PPP1R9A: variants seen among roughly 807,000 people sequenced by gnomAD.
PPP1R9A encodes neurabin-1.
In PPP1R9A, 59 loss-of-function variants were observed where a neutral mutation model predicts 141.9. That is an observed-to-expected ratio of 0.42 (90% CI 0.34 to 0.52). The LOEUF (loss-of-function observed/expected upper bound fraction) is 0.52, where lower values mean the gene tolerates loss of function less well. PPP1R9A is among the 20% of genes least tolerant of loss of function. The pLI is 0.10. For synonymous variants in PPP1R9A, 500 were observed against 569.7 expected, an observed-to-expected ratio of 0.88 and a Z score of 1.74; for missense variants, 1,444 against 1,611.9, an observed-to-expected ratio of 0.90 and a Z score of 1.78.
At chr7:95,026,303 T>C (rs1274374496) in intron 2 of PPP1R9A, among the ~76,000 whole-genome samples, 2 of 152,344 alleles carry the variant, frequency 1.3e-5, no homozygotes, top group South Asian at 2.1e-4. Context: ...TTTGTTTCTG[T>C]TTGTTAGTTT....
At chr7:95,092,834 C>G (rs1208172898) in intron 2 of PPP1R9A, among the ~76,000 whole-genome samples, 7 of 152,188 alleles carry the variant, frequency 4.6e-5, no homozygotes, top group Non-Finnish European at 1.5e-5. Context: ...CCAAGATATT[C>G]AAGAAATTGA....
At chr7:94,973,126 A>AT (rs1407336826) in intron 2 of PPP1R9A, among the ~76,000 whole-genome samples, 2 of 152,074 alleles carry the variant, frequency 1.3e-5, no homozygotes, top group African/African-American at 2.4e-5. Context: ...GCTTTATGAG[A>AT]TTTTGTCCCT....
At chr7:95,275,818 A>G (rs185613913) in intron 16 of PPP1R9A, among the ~76,000 whole-genome samples, 2 of 152,338 alleles carry the variant, frequency 1.3e-5, no homozygotes, top group Admixed American at 1.3e-4. Flanking sequence ...TTAAAGGAGC[A>G]TAATGGGCGG....
chr7:95,025,858 A>G (rs1165145042), intron 2 of PPP1R9A, among the ~76,000 whole-genome samples: 1 of 151,978 alleles, frequency 6.6e-6, no homozygotes, highest in Non-Finnish European at 1.5e-5. Context: ...CTTCAGTTTG[A>G]TCAATTTGGC....
chr7:94,968,507 A>G (rs765923216), intron 2 of PPP1R9A, among the ~76,000 whole-genome samples: 1 of 151,926 alleles, frequency 6.6e-6, no homozygotes, highest in Non-Finnish European at 1.5e-5. Flanking sequence ...AGAGACTAGG[A>G]TTGCAACCCC....
At chr7:95,224,815 G>T (rs1794923950) in intron 7 of PPP1R9A, among the ~76,000 whole-genome samples, 1 of 152,018 alleles carries the variant, frequency 6.6e-6, no homozygotes, top group Non-Finnish European at 1.5e-5. Flanking sequence ...TTACTCAAAG[G>T]AATAGATCAT....
At chr7:95,137,480 A>T (rs1261147384) in intron 4 of PPP1R9A, among the ~76,000 whole-genome samples, 1 of 147,914 alleles carries the variant, frequency 6.8e-6, no homozygotes, top group Non-Finnish European at 1.5e-5. Context: ...TAAAGCTTTT[A>T]GTTAATGTGA....
At chr7:94,974,718 G>A (rs1377154039) in intron 2 of PPP1R9A, among the ~76,000 whole-genome samples, 1 of 152,150 alleles carries the variant, frequency 6.6e-6, no homozygotes, top group Non-Finnish European at 1.5e-5. Context: ...CTTTGCCACA[G>A]TCAAGCTGGT....
intron 2 of PPP1R9A, among the ~76,000 whole-genome samples, chr7:94,955,793 C>G (rs1410411853): frequency 1.3e-5 from 2 of 152,124 alleles, no homozygotes; most frequent in Non-Finnish European, 2.9e-5. Flanking sequence ...AAGATTGCCT[C>G]ATTTTCTGTG....
intron 2 of PPP1R9A, among the ~76,000 whole-genome samples, chr7:94,915,234 G>A (rs1011150605): frequency 6.6e-6 from 1 of 152,126 alleles, no homozygotes; most frequent in African/African-American, 2.4e-5. Context: ...TGTTGAAAAT[G>A]GATCTTCTTG....
At chr7:95,126,282 A>G (rs1023260824) in intron 4 of PPP1R9A, among the ~76,000 whole-genome samples, 8 of 152,148 alleles carry the variant, frequency 5.3e-5, no homozygotes, top group African/African-American at 1.9e-4. Flanking sequence ...CCCTTCCCAG[A>G]AACACTGTGT....
intron 2 of PPP1R9A, among the ~76,000 whole-genome samples, chr7:94,981,627 T>A (rs865835803): frequency 6.6e-6 from 1 of 152,088 alleles, no homozygotes; most frequent in Non-Finnish European, 1.5e-5. Flanking sequence ...CTTTTCAACC[T>A]CCAGCTGGTG....
chr7:95,207,845 T>C (rs1457800869), intron 7 of PPP1R9A, among the ~76,000 whole-genome samples: 2 of 152,138 alleles, frequency 1.3e-5, no homozygotes, highest in Non-Finnish European at 2.9e-5. Flanking sequence ...GGAGAAAACA[T>C]AATTTATAAG....
intron 2 of PPP1R9A, among the ~76,000 whole-genome samples, chr7:94,994,921 C>A (rs1344221071): frequency 6.6e-6 from 1 of 151,398 alleles, no homozygotes; most frequent in African/African-American, 2.4e-5. Flanking sequence ...ACCCACAAAA[C>A]CCAAATTGCT....
At chr7:94,953,503 A>T (rs761657675) in intron 2 of PPP1R9A, among the ~76,000 whole-genome samples, 12 of 152,080 alleles carry the variant, frequency 7.9e-5, no homozygotes, top group Non-Finnish European at 1.5e-4. Context: ...AAGAAAGTCA[A>T]TGGTAGCTTC....
At chr7:95,266,431 A>G (rs181189843) in intron 12 of PPP1R9A, among the ~76,000 whole-genome samples, 42 of 152,194 alleles carry the variant, frequency 2.8e-4, no homozygotes, top group Non-Finnish European at 4.7e-4. Flanking sequence ...CACGTCATAT[A>G]TGATTTTATA....
intron 2 of PPP1R9A, among the ~76,000 whole-genome samples, chr7:94,936,095 T>C (rs1794736623): frequency 6.6e-6 from 1 of 152,204 alleles, no homozygotes; most frequent in Admixed American, 6.5e-5. Flanking sequence ...AAAGTAATTT[T>C]CCTCAATAAT....
intron 2 of PPP1R9A, among the ~76,000 whole-genome samples, chr7:95,082,762 A>AT (rs1563211870): frequency 3.1e-5 from 3 of 95,872 alleles, no homozygotes; most frequent in East Asian, 2.7e-4. Context: ...GGTGGAAGGG[A>AT]TTTCTTTTTT....
At chr7:95,151,095 A>G (rs1350898445) in intron 4 of PPP1R9A, among the ~76,000 whole-genome samples, 1 of 152,238 alleles carries the variant, frequency 6.6e-6, no homozygotes, top group Non-Finnish European at 1.5e-5. Context: ...TGGGGGACAG[A>G]CTGACAGTTC....
Sources: gnomAD v4.1 joint callset for allele counts (sites outside exome capture counted in the v4.1 genomes callset) on GRCh38, gnomAD v4.1.1 for gene constraint, MANE v1.5 for transcripts, NCBI Gene and HGNC (gene_info 2026-07-23, HGNC 2026-07-21) for gene names.